The following FAM135A variants were observed in gnomAD, a reference collection of about 807,000 sequenced individuals.
FAM135A encodes family with sequence similarity 135 member A.
Under a neutral mutation model 146.8 loss-of-function variants are expected in FAM135A, and 79 were observed. The observed-to-expected ratio is 0.54, with a 90% CI of 0.45 to 0.65. The LOEUF (loss-of-function observed/expected upper bound fraction) is 0.65. Ranked by LOEUF, FAM135A falls within the 30% of genes least tolerant of loss-of-function variation. The probability of loss-of-function intolerance (pLI) is 0.00; values close to 1 mark genes in which losing one functional copy is unlikely to be tolerated. For missense variants in FAM135A, 1,623 were observed against 1,758.2 expected, an observed-to-expected ratio of 0.92 and a Z score of 1.38; for synonymous variants, 562 against 603.6, an observed-to-expected ratio of 0.93 and a Z score of 1.01.
chr6:70,551,871 A>G (rs1444133648), intron 20 of FAM135A, among the ~76,000 whole-genome samples: 1 of 152,242 alleles, frequency 6.6e-6, no homozygotes, highest in Non-Finnish European at 1.5e-5. Flanking sequence ...ATCACTGATC[A>G]CAGATCACCA....
At chr6:70,458,838 A>G (rs1463954006) in intron 5 of FAM135A, among the ~76,000 whole-genome samples, 9 of 152,250 alleles carry the variant, frequency 5.9e-5, no homozygotes, top group Non-Finnish European at 1.0e-4. Flanking sequence ...ACTTATTACA[A>G]TCTTTGAGAT....
At chr6:70,510,166 A>G (rs569106982) in intron 12 of FAM135A, among the ~76,000 whole-genome samples, 1 of 151,760 alleles carries the variant, frequency 6.6e-6, no homozygotes, top group African/African-American at 2.4e-5. Context: ...ACGTTTATTG[A>G]CAGCACCACC....
In FAM135A at chr6:70,526,487, A is replaced by C. The variant is rs763832662; in HGVS notation, c.3403A>C (p.Ser1135Arg). 40 of 1,613,448 alleles carry C rather than the reference A, an allele frequency of 2.5e-5. No homozygotes were observed. The South Asian group carries it at 4.1e-4, about 16-fold the overall frequency. Residue 1135 changes from serine (S) to arginine (R), a missense_variant, in exon 15 of 22, where the codon AGT (serine) becomes CGT (arginine). Physicochemically the swap from Ser to Arg is moderately radical, Grantham distance 110 (BLOSUM62 -1). Coordinates refer to ENST00000418814, the MANE Select transcript of FAM135A (RefSeq NM_001162529.3). ...ACTTACAAAATCTGAAAAAATAAAC[A>C]GTGACTATCTGAGAGATGGTATAAA... ...ERLTKSEKINSDYLRDGINMP... is the reference protein window; with the variant it reads ...ERLTKSEKINRDYLRDGINMP...
At position 70,556,936 on chromosome 6, in the gene FAM135A, T is replaced by A. The variant is rs899132957; in HGVS notation, c.4342+73T>A. The A allele has an allele frequency of 2.9e-6, 3 of 1,045,604 alleles. No homozygotes were observed. In the African/African-American group the frequency reaches 4.7e-5, roughly 17 times the overall value. 64.8% of individuals were successfully genotyped at this position (1,045,604 alleles called of 1,614,324 possible). Reference sequence around the variant, plus strand: ...TTTCCAAAATTTTTCTTGTAGTCACTTTCTCTCGTATCTGTCACCCTTCTC... The same window carrying A: ...TTTCCAAAATTTTTCTTGTAGTCACATTCTCTCGTATCTGTCACCCTTCTC... On this transcript the variant is annotated intron_variant, in intron 21 of 21. Transcript: ENST00000418814.
chr6:70,506,028 A>G (rs1221047640), intron 12 of FAM135A, among the ~76,000 whole-genome samples: 2 of 152,196 alleles, frequency 1.3e-5, no homozygotes, highest in Non-Finnish European at 2.9e-5. Flanking sequence ...AGCAATTTAG[A>G]ATGAATAGCA....
intron 7 of FAM135A, 119 bp from the exon 8 acceptor site, chr6:70,477,034 ATTACTC>A: frequency 1.0e-6 from 1 of 1,002,366 alleles, no homozygotes; most frequent in Non-Finnish European, 1.4e-6. Context: ...TGCTTTAAAA[ATTACTC>A]TTATTCGAAA....
At chr6:70,506,428 A>G (rs1279278151) in intron 12 of FAM135A, among the ~76,000 whole-genome samples, 1 of 152,172 alleles carries the variant, frequency 6.6e-6, no homozygotes, top group Non-Finnish European at 1.5e-5. Flanking sequence ...CTTTGTCTAA[A>G]CTACTCAACT....
intron 4 of FAM135A, among the ~76,000 whole-genome samples, chr6:70,429,011 A>G (rs1770842965): frequency 6.6e-6 from 1 of 152,216 alleles, no homozygotes; most frequent in South Asian, 2.1e-4. Context: ...ATAAGTATGT[A>G]TAAGAGGTGC....
rs191488077 is a variant in FAM135A at position 70,549,200 on chromosome 6, A to C, written c.4229-7550A>C. ...TAAAGGCTATTCATTACAGTGTTAT[A>C]CTTTTTTTATGTCCTCTCCCTTCTG... On this transcript the variant is annotated intron_variant, in intron 20 of 21. Transcript: ENST00000418814. Among the ~76,000 whole-genome samples the C allele has an allele frequency of 1.6e-4, 25 of 152,192 alleles. No homozygotes were observed. In the East Asian group the frequency reaches 4.6e-3, roughly 28 times the overall value.
chr6:70,518,055 G>A (rs576340049), intron 12 of FAM135A, among the ~76,000 whole-genome samples: 6 of 152,308 alleles, frequency 3.9e-5, no homozygotes, highest in Admixed American at 3.9e-4. Flanking sequence ...AAGGCATGTC[G>A]AAAGCCAAGA....
At chr6:70,532,112 G>A (rs998064892) in intron 16 of FAM135A, among the ~76,000 whole-genome samples, 1 of 151,278 alleles carries the variant, frequency 6.6e-6, no homozygotes, top group Non-Finnish European at 1.5e-5. Flanking sequence ...TCCTGACCTC[G>A]TGATCCACCC....
chr6:70,532,138 A>G (rs1795946351), intron 16 of FAM135A, among the ~76,000 whole-genome samples: 1 of 151,926 alleles, frequency 6.6e-6, no homozygotes, highest in South Asian at 2.1e-4. Context: ...AGCCTCCTAA[A>G]GTGCTGGGAT....
intron 11 of FAM135A, among the ~76,000 whole-genome samples, chr6:70,502,230 TG>T (rs1788721754): frequency 6.6e-6 from 1 of 152,166 alleles, no homozygotes. Flanking sequence ...CTTAGCTAAT[TG>T]GGGAAAAAAT....
At chr6:70,509,047 C>G (rs1342933462) in intron 12 of FAM135A, among the ~76,000 whole-genome samples, 1 of 152,014 alleles carries the variant, frequency 6.6e-6, no homozygotes. Context: ...ATGGTTCTAA[C>G]CTAGAGCAAA....
chr6:70,502,919 G>A (rs1190918089), intron 12 of FAM135A, 128 bp downstream of exon 12: 5 of 976,472 alleles, frequency 5.1e-6, no homozygotes, highest in Admixed American at 2.7e-5. Context: ...TTGTCATATT[G>A]TTATTGTTTG....
intron 10 of FAM135A, among the ~76,000 whole-genome samples, chr6:70,489,779 G>T (rs1360040503): frequency 6.6e-6 from 1 of 152,046 alleles, no homozygotes; most frequent in Non-Finnish European, 1.5e-5. Flanking sequence ...TGCTTGTCTC[G>T]TTAGCATTTA....
At chr6:70,482,466 A>G (rs1783913311) in intron 10 of FAM135A, among the ~76,000 whole-genome samples, 1 of 152,174 alleles carries the variant, frequency 6.6e-6, no homozygotes, top group East Asian at 1.9e-4. Context: ...AATTATCTGC[A>G]GAATCATAGG....
intron 4 of FAM135A, among the ~76,000 whole-genome samples, chr6:70,446,856 C>A (rs1310230839): frequency 6.6e-6 from 1 of 152,172 alleles, no homozygotes; most frequent in African/African-American, 2.4e-5. Flanking sequence ...CAGGGACATA[C>A]CCATTTCATG....
intron 12 of FAM135A, among the ~76,000 whole-genome samples, chr6:70,510,688 T>C (rs553813099): frequency 1.1e-4 from 16 of 152,276 alleles, no homozygotes; most frequent in African/African-American, 3.4e-4. Flanking sequence ...TTAAGTTCTT[T>C]CTACCTATTG....
Sources: allele counts gnomAD v4.1 joint callset (sites outside exome capture counted in the v4.1 genomes callset), GRCh38; gene constraint gnomAD v4.1.1; transcripts MANE v1.5; gene names NCBI Gene and HGNC (gene_info 2026-07-23, HGNC 2026-07-21).